Variants in EPHB4 observed in about 807,000 individuals in gnomAD.
The protein encoded by EPHB4 is ephrin type-B receptor 4.
Under a neutral mutation model 110.6 loss-of-function variants are expected in EPHB4, and 50 were observed. The observed-to-expected ratio is 0.45, with a 90% CI of 0.36 to 0.57. The LOEUF (loss-of-function observed/expected upper bound fraction) is 0.57, where lower values mean the gene tolerates loss of function less well. Ranked by LOEUF, EPHB4 falls within the 20% of genes least tolerant of loss-of-function variation. The pLI, the probability that EPHB4 is intolerant of heterozygous loss-of-function variation, is 0.00. For missense variants in EPHB4, 1,128 were observed against 1,382.1 expected (o/e 0.82, Z 2.91); for synonymous variants, 592 against 578.4 (o/e 1.02, Z -0.34).
At chr7:100,804,808 C>T (rs1469553778) in intron 16 of EPHB4, among the ~76,000 whole-genome samples, 1 of 152,194 alleles carries the variant, frequency 6.6e-6, no homozygotes, top group Non-Finnish European at 1.5e-5. Context: ...GCCCAATCTT[C>T]TCCTTTTATG....
chr7:100,803,654 C>T (rs1812750365), intron 16 of EPHB4, 64 bp from the exon 17 acceptor site: 7 of 1,517,662 alleles, frequency 4.6e-6, no homozygotes, highest in Admixed American at 2.0e-5. Context: ...CCTCTCTTGG[C>T]TCCTGAGACG....
At position 100,824,122 on chromosome 7, in the gene EPHB4, C is replaced by T. The variant is rs1013027924; in HGVS notation, c.123+81G>A. ...CTGGGGGGACAGGGGAGAGGAGTGG[C>T]ACACAGAAAGCAGGCGGCACAGGCG... On this transcript the variant is annotated intron_variant, in intron 2 of 16. Coordinates refer to ENST00000358173, the MANE Select transcript of EPHB4 (RefSeq NM_004444.5). 5.0e-6 allele frequency: 8 copies of T among 1,588,846 alleles called. No homozygotes were observed. The African/African-American group carries it at 1.1e-4, about 21-fold the overall frequency.
At chr7:100,805,109 G>A in intron 16 of EPHB4, 57 bp downstream of exon 16, 1 of 1,571,000 alleles carries the variant, frequency 6.4e-7, no homozygotes, top group East Asian at 2.3e-5. Flanking sequence ...GACCCCGTGG[G>A]CCTGACTCCA....
Position 100,820,303 on chromosome 7 carries a change from G to C in EPHB4, c.809-7C>G. 6.2e-7 allele frequency: 1 copy of C among 1,613,250 alleles called. No homozygotes were observed. Among genetic ancestry groups the C allele is most frequent in the South Asian group, 1.1e-5 (1 of 91,044 alleles). ...AAGGTGCCCTGGGCACAGGCTGAGA[G>C]AGAGAAAGCATTCATCAAAAGCATG... On this transcript the variant is annotated splice_region_variant and splice_polypyrimidine_tract_variant and intron_variant, in intron 4 of 16. Coordinates refer to ENST00000358173, the MANE Select transcript of EPHB4 (RefSeq NM_004444.5).
At chr7:100,821,318 G>C (rs1244837186) in intron 4 of EPHB4, 1 of 151,632 alleles carries the variant, frequency 6.6e-6, no homozygotes, top group African/African-American at 2.4e-5. Context: ...CAGGCAGGTC[G>C]CCCAGATAAT....
At position 100,819,604 on chromosome 7, in the gene EPHB4, G is replaced by A. The variant is rs890165605; in HGVS notation, c.1250C>T (p.Thr417Met). The stretch of plus-strand genomic sequence containing the variant: ...GACAGGCTCAAATGGGACGGGCCCC[G>A]TGGCTAAGGAGGATACCCCGTTCAA... ...TALNGVSSLA[T>M]GPVPFEPVNV... is the part of the protein sequence containing the mutation. The change falls in exon 6 of 17, where the codon ACG (threonine) becomes ATG (methionine). Residue 417 changes from threonine to methionine, a missense_variant. Around this residue, in one of 3 missense-constraint regions of EPHB4, gnomAD observed 728 missense variants for 828.6 expected, o/e 0.88. Transcript: ENST00000358173. 1.0e-5 allele frequency: 16 copies of A among 1,594,576 alleles called. No individual in the cohort carries two copies. The highest frequency in any genetic ancestry group is 1.1e-5 in the Non-Finnish European group (13 of 1,165,026).
At chr7:100,819,430 T>TGCCCCCAAAGCCTTAGCCCCTC (rs1813162621) in intron 6 of EPHB4, 127 bp downstream of exon 6, 1 of 1,097,938 alleles carries the variant, frequency 9.1e-7, no homozygotes, top group Non-Finnish European at 1.3e-6. Context: ...TTCTGCCTCT[T>TGCCCCCAAAGCCTTAGCCCCTC]GCCCCCAAAG....
At chr7:100,805,839 G>A (rs1562966954) in intron 14 of EPHB4, 145 bp from the exon 15 acceptor site, 8 of 768,016 alleles carry the variant, frequency 1.0e-5, no homozygotes, top group Non-Finnish European at 3.7e-6. Flanking sequence ...CTCCTAGCCG[G>A]AGTTGAAGCT....
chr7:100,826,946 A>T (rs776969553), intron 1 of EPHB4, 33 bp downstream of exon 1: 1 of 1,520,196 alleles, frequency 6.6e-7, no homozygotes, highest in Non-Finnish European at 8.8e-7. Flanking sequence ...CCCAGGAGTG[A>T]CGGGGTGCGC....
Position 100,822,248 on chromosome 7 carries a change from G to C in EPHB4, c.808+23C>G. 1 of 1,546,232 alleles carries C rather than the reference G, an allele frequency of 6.5e-7. No individual in the cohort carries two copies. Among genetic ancestry groups the C allele is most frequent in the African/African-American group, 1.4e-5 (1 of 73,160 alleles). ...ACTCTCCCCCGGATGAGCAGCAGTCGCAGGGGAAGCTCCAGCTCTCACCTC... is the reference window on the plus strand; with the variant it reads ...ACTCTCCCCCGGATGAGCAGCAGTCCCAGGGGAAGCTCCAGCTCTCACCTC... On this transcript the variant is annotated intron_variant, in intron 4 of 16. Coordinates refer to ENST00000358173, the MANE Select transcript of EPHB4 (RefSeq NM_004444.5). The surrounding 1 kb of genome is among the most constrained non-coding windows in gnomAD (Gnocchi z 4.7).
rs773737565 is a variant in EPHB4, at chr7:100,820,336, A to G, written c.809-40T>C. 1.9e-6 allele frequency: 3 copies of G among 1,605,650 alleles called. No individual in the cohort carries two copies. The South Asian group carries it at 3.3e-5, about 18-fold the overall frequency. ...GCATTCATCAAAAGCATGCACAAAA[A>G]CATCCATCTGCACGGTGGGCTCGGT... On this transcript the variant is annotated intron_variant, in intron 4 of 16. Transcript: ENST00000358173.
At chr7:100,808,542 T>C (rs1386073624) in intron 12 of EPHB4, among the ~76,000 whole-genome samples, 1 of 152,174 alleles carries the variant, frequency 6.6e-6, no homozygotes, top group African/African-American at 2.4e-5. Flanking sequence ...CAGGTGGAGA[T>C]ACATTGGTGC....
chr7:100,812,576 G>A (rs531466037), intron 12 of EPHB4, among the ~76,000 whole-genome samples, 171 bp downstream of exon 12: 4 of 152,272 alleles, frequency 2.6e-5, no homozygotes, highest in Middle Eastern at 3.4e-3. Flanking sequence ...GCGACAGAGC[G>A]AGGCTCTGTC....
intron 7 of EPHB4, 151 bp downstream of exon 7, chr7:100,818,369 C>A (rs1813133499): frequency 1.7e-6 from 2 of 1,163,860 alleles, no homozygotes; most frequent in Non-Finnish European, 2.4e-6. Context: ...GTCTGAGGCT[C>A]AGACAGGCCA....
At chr7:100,810,894 C>T (rs556900154) in intron 12 of EPHB4, among the ~76,000 whole-genome samples, 13 of 152,178 alleles carry the variant, frequency 8.5e-5, no homozygotes, top group South Asian at 4.2e-4. Flanking sequence ...GCTAGGGAAT[C>T]GCTATAACTC....
At chr7:100,808,605 G>A (rs961569687) in intron 12 of EPHB4, among the ~76,000 whole-genome samples, 6 of 152,318 alleles carry the variant, frequency 3.9e-5, no homozygotes, top group African/African-American at 1.4e-4. Flanking sequence ...GTATGGATTT[G>A]CAAGAGAAGA....
At chr7:100,819,920 C>T (rs1356707016) in intron 5 of EPHB4, 31 bp from the exon 6 acceptor site, 18 of 1,527,616 alleles carry the variant, frequency 1.2e-5, no homozygotes, top group Middle Eastern at 2.1e-4. Flanking sequence ...AGGCAGAGGC[C>T]GACCTGCTCT....
chr7:100,823,746 A>G lies in EPHB4; in HGVS notation c.309T>C (p.Ala103=), dbSNP rs1813300773. 2 of 1,613,502 alleles carry G rather than the reference A, an allele frequency of 1.2e-6. No homozygotes were observed. Among genetic ancestry groups the G allele is most frequent in the South Asian group, 2.2e-5 (2 of 91,096 alleles). Residue 103 remains alanine, a synonymous_variant, in exon 3 of 17, where the codon GCT becomes GCC. Transcript: ENST00000358173. ...TGAAGGTCTCCTTGCAGGAGCGCCCAGCCCGAGGCAGGGACAGGCACTCGA... is the reference window on the plus strand; with the variant it reads ...TGAAGGTCTCCTTGCAGGAGCGCCCGGCCCGAGGCAGGGACAGGCACTCGA... ...TMLECLSLPR[A]GRSCKETFTV...
intron 12 of EPHB4, among the ~76,000 whole-genome samples, chr7:100,809,401 C>T (rs1812882006): frequency 6.6e-6 from 1 of 152,122 alleles, no homozygotes; most frequent in South Asian, 2.1e-4. Flanking sequence ...GCCACTGTGC[C>T]CAGCTGGGAT....
Sources: allele counts gnomAD v4.1 joint callset (sites outside exome capture counted in the v4.1 genomes callset), GRCh38; gene constraint gnomAD v4.1.1; regional missense constraint gnomAD v4.1.1; non-coding constraint Gnocchi (gnomAD v3.1); transcripts MANE v1.5; gene names NCBI Gene and HGNC (gene_info 2026-07-23, HGNC 2026-07-21).